MACROD2: variants seen among roughly 807,000 people sequenced by gnomAD.
MACROD2 encodes the protein ADP-ribose glycohydrolase MACROD2.
MACROD2 carries 36 observed loss-of-function variants against 70.4 expected under a neutral mutation model. The ratio of observed to expected loss-of-function variants is 0.51; its 90% CI spans 0.39 to 0.68. The LOEUF (loss-of-function observed/expected upper bound fraction) is 0.68. MACROD2 is among the 30% of genes least tolerant of loss of function. The pLI, the probability that MACROD2 is intolerant of heterozygous loss-of-function variation, is 0.00. For synonymous variants in MACROD2, 172 were observed against 178.8 expected, an observed-to-expected ratio of 0.96 and a Z score of 0.30; for missense variants, 496 against 538.4, an observed-to-expected ratio of 0.92 and a Z score of 0.78.
intron 5 of MACROD2, among the ~76,000 whole-genome samples, chr20:14,838,686 G>A (rs1304340330): frequency 6.6e-6 from 1 of 152,078 alleles, no homozygotes; most frequent in Non-Finnish European, 1.5e-5. Context: ...TCACATCTTT[G>A]GAGAGCTTAA....
At chr20:14,976,436 T>C (rs990143414) in intron 5 of MACROD2, among the ~76,000 whole-genome samples, 4 of 152,132 alleles carry the variant, frequency 2.6e-5, no homozygotes, top group African/African-American at 9.7e-5. Flanking sequence ...CACATTGCTG[T>C]CTCCTCTATG....
chr20:15,616,120 T>G (rs1165670868), intron 8 of MACROD2, among the ~76,000 whole-genome samples: 57 of 142,754 alleles, frequency 4.0e-4, no homozygotes, highest in Non-Finnish European at 6.0e-5. Context: ...TTTTTTTTTT[T>G]GAGACAGAGT....
chr20:16,017,933 G>A (rs2066950457), intron 15 of MACROD2, among the ~76,000 whole-genome samples: 1 of 152,154 alleles, frequency 6.6e-6, no homozygotes, highest in African/African-American at 2.4e-5. Context: ...CACAGAGTCT[G>A]GGAGAACCTC....
chr20:15,150,973 G>A (rs145412502), intron 5 of MACROD2, among the ~76,000 whole-genome samples: 2,642 of 152,038 alleles, frequency 0.017, 107 homozygotes, highest in African/African-American at 0.061. Flanking sequence ...AATGTGGCGT[G>A]GGTAGCCTCC....
chr20:14,858,697 G>A (rs550145965), intron 5 of MACROD2, among the ~76,000 whole-genome samples: 5 of 152,180 alleles, frequency 3.3e-5, no homozygotes, highest in East Asian at 3.9e-4. Flanking sequence ...ACAGGATATC[G>A]TATTCTTCTA....
intron 8 of MACROD2, among the ~76,000 whole-genome samples, chr20:15,729,691 T>C (rs953895184): frequency 2.6e-5 from 4 of 152,116 alleles, no homozygotes; most frequent in African/African-American, 9.7e-5. Context: ...GTCTGTTTTT[T>C]CTAAAATTCA....
intron 12 of MACROD2, among the ~76,000 whole-genome samples, chr20:15,942,133 T>G (rs1165044234): frequency 6.6e-6 from 1 of 152,166 alleles, no homozygotes; most frequent in Non-Finnish European, 1.5e-5. Context: ...TATTTTCCAC[T>G]GGGAACCAGG....
intron 6 of MACROD2, among the ~76,000 whole-genome samples, chr20:15,413,559 G>A (rs571027647): frequency 6.6e-6 from 1 of 152,200 alleles, no homozygotes; most frequent in Non-Finnish European, 1.5e-5. Context: ...ACACAAGGGA[G>A]AAAAGTTATA....
intron 5 of MACROD2, among the ~76,000 whole-genome samples, chr20:15,015,184 T>G (rs2075111885): frequency 6.6e-6 from 1 of 152,092 alleles, no homozygotes; most frequent in Non-Finnish European, 1.5e-5. Flanking sequence ...TTTTTGAACT[T>G]TTAATATTAA....
intron 8 of MACROD2, among the ~76,000 whole-genome samples, chr20:15,699,888 G>T (rs779859371): frequency 2.6e-5 from 4 of 152,110 alleles, no homozygotes; most frequent in Non-Finnish European, 5.9e-5. Context: ...GTGCCAGGCA[G>T]GAATGGGCTG....
chr20:15,728,199 A>G (rs1328625981), intron 8 of MACROD2, among the ~76,000 whole-genome samples: 2 of 147,912 alleles, frequency 1.4e-5, no homozygotes, highest in Non-Finnish European at 3.0e-5. Context: ...GTAATGAATC[A>G]TATATATTGA....
At chr20:16,003,044 G>A (rs182051686) in intron 15 of MACROD2, among the ~76,000 whole-genome samples, 2 of 150,240 alleles carry the variant, frequency 1.3e-5, no homozygotes, top group Admixed American at 6.7e-5. Flanking sequence ...CGGGGCTGGG[G>A]CACAAACAAA....
intron 3 of MACROD2, among the ~76,000 whole-genome samples, chr20:14,475,427 TAA>T (rs2084581852): frequency 2.6e-5 from 4 of 152,202 alleles, no homozygotes; most frequent in Admixed American, 2.6e-4. Context: ...AATATTAAAT[TAA>T]GTCTAGTTTG....
chr20:15,270,558 A>T (rs1055463525), intron 6 of MACROD2, among the ~76,000 whole-genome samples: 2 of 152,188 alleles, frequency 1.3e-5, no homozygotes, highest in African/African-American at 4.8e-5. Flanking sequence ...GTGTGTTAAA[A>T]TTCATAAAAC....
chr20:15,801,184 AT>A (rs1386048083), intron 8 of MACROD2, among the ~76,000 whole-genome samples: 34 of 126,606 alleles, frequency 2.7e-4, no homozygotes, highest in African/African-American at 3.4e-4. Context: ...AGAATGATCA[AT>A]TAAAAAAAAA....
In MACROD2 at chr20:15,535,493, G is replaced by A. The variant is rs1452929089; in HGVS notation, c.645+35646G>A. On this transcript the variant is annotated intron_variant, in intron 8 of 17. Transcript: ENST00000684519. ...AACTTCGGTTTTAGGAAATTCTCCAGGTGATTGGGAACTACCGTTTTACAC... is the reference window on the plus strand; with the variant it reads ...AACTTCGGTTTTAGGAAATTCTCCAAGTGATTGGGAACTACCGTTTTACAC... Among the ~76,000 whole-genome samples, 3 of 152,166 alleles carry A rather than the reference G, an allele frequency of 2.0e-5. No homozygotes were observed. In the East Asian group the frequency reaches 5.8e-4, roughly 29 times the overall value.
intron 3 of MACROD2, among the ~76,000 whole-genome samples, chr20:14,460,696 T>C (rs1005655696): frequency 1.3e-5 from 2 of 152,164 alleles, no homozygotes; most frequent in Non-Finnish European, 2.9e-5. Flanking sequence ...TTTTTGTCAT[T>C]GGTTCTGCTT....
Position 15,742,189 on chromosome 20 carries a change from T to C in MACROD2, c.646-120556T>C, listed in dbSNP as rs1458186462. 3.3e-5 allele frequency among the ~76,000 whole-genome samples: 5 copies of C among 152,142 alleles called. No homozygotes were observed. The South Asian group carries it at 1.0e-3, about 32-fold the overall frequency. On this transcript the variant is annotated intron_variant, in intron 8 of 17. Transcript: ENST00000684519. Reference sequence around the variant, plus strand: ...TGAAAACTTACAGGCCAGCAAATGGTTGGGAGTGGGGAGCATGCATCACTT... The same window carrying C: ...TGAAAACTTACAGGCCAGCAAATGGCTGGGAGTGGGGAGCATGCATCACTT...
At chr20:14,233,151 C>T (rs1338190077) in intron 3 of MACROD2, among the ~76,000 whole-genome samples, 1 of 152,060 alleles carries the variant, frequency 6.6e-6, no homozygotes, top group Non-Finnish European at 1.5e-5. Context: ...ACAGTTATAA[C>T]ATCAAAGATC....
Sources: allele counts gnomAD v4.1 joint callset (sites outside exome capture counted in the v4.1 genomes callset), GRCh38; gene constraint gnomAD v4.1.1; transcripts MANE v1.5; gene names NCBI Gene and HGNC (gene_info 2026-07-23, HGNC 2026-07-21).